The following PCAT7 variants were observed in gnomAD, a reference collection of about 807,000 sequenced individuals.
The protein encoded by PCAT7 is prostate cancer associated transcript 7, also known as prostate cancer associated transcript 7 (non-protein coding).
At chr9:94,556,939 T>C (rs978381663) in intron 1 of PCAT7, among the ~76,000 whole-genome samples, 1 of 152,214 alleles carries the variant, frequency 6.6e-6, no homozygotes, top group Non-Finnish European at 1.5e-5. Context: ...GAAGAGATTG[T>C]CCTTCCCGAA....
At chr9:94,555,234 TTGA>T (rs1564176405) in exon 1 of PCAT7, 1 of 152,078 alleles carries the variant, frequency 6.6e-6, no homozygotes, top group Non-Finnish European at 1.5e-5. Flanking sequence ...TGCTGGAGGC[TTGA>T]GCCGCGGCAC....
chr9:94,559,741 G>A (rs1827066318), intron 2 of PCAT7, among the ~76,000 whole-genome samples: 1 of 151,992 alleles, frequency 6.6e-6, no homozygotes, highest in Admixed American at 6.6e-5. Flanking sequence ...TTCCCCTCTG[G>A]TACCACTCAT....
upstream of PCAT7, among the ~76,000 whole-genome samples, chr9:94,554,868 C>T (rs866277683): frequency 1.3e-5 from 2 of 152,198 alleles, no homozygotes; most frequent in African/African-American, 4.8e-5. Flanking sequence ...GCTCCCCACA[C>T]CCACACATAA....
upstream of PCAT7, among the ~76,000 whole-genome samples, chr9:94,554,618 C>G (rs1000058025): frequency 6.6e-6 from 1 of 152,150 alleles, no homozygotes; most frequent in Non-Finnish European, 1.5e-5. Context: ...CACCACCAAC[C>G]GCAGCGAGGC....
intron 2 of PCAT7, chr9:94,567,296 A>T: frequency 6.2e-7 from 1 of 1,614,126 alleles, no homozygotes; most frequent in Non-Finnish European, 8.5e-7. Context: ...TTCTGCACAT[A>T]TTCAGTGGTG....
chr9:94,566,205 C>T (rs993616991), intron 2 of PCAT7, among the ~76,000 whole-genome samples: 1 of 152,228 alleles, frequency 6.6e-6, no homozygotes. Flanking sequence ...ACAGGCCCCC[C>T]AAAACCTGGC....
intron 2 of PCAT7, chr9:94,559,273 G>T: frequency 2.9e-6 from 2 of 698,952 alleles, no homozygotes; most frequent in Non-Finnish European, 4.7e-6. Context: ...TGCAAGAGTG[G>T]GCCCGAGCTT....
chr9:94,558,168 CAA>C (rs1309523609), intron 1 of PCAT7, among the ~76,000 whole-genome samples: 2 of 152,156 alleles, frequency 1.3e-5, no homozygotes, highest in African/African-American at 4.8e-5. Context: ...ATTTCTAACT[CAA>C]GTTTATCCAA....
At chr9:94,570,109 TCTGGTGCCCACCTATGTCCAGA>T (rs1004744219) in intron 2 of PCAT7, 1 of 152,234 alleles carries the variant, frequency 6.6e-6, no homozygotes, top group African/African-American at 2.4e-5. Flanking sequence ...GTTGACAAGC[TCTGGTGCCCACCTATGTCCAGA>T]CTGGGCCCTG....
At chr9:94,569,598 A>G (rs1413127316) in intron 2 of PCAT7, 1 of 152,204 alleles carries the variant, frequency 6.6e-6, no homozygotes, top group Admixed American at 6.5e-5. Context: ...TAACCTGGAA[A>G]ATGTGTTCCT....
intron 2 of PCAT7, chr9:94,571,513 G>A (rs552321762): frequency 6.2e-7 from 1 of 1,613,992 alleles, no homozygotes. Flanking sequence ...GAGCCACCAG[G>A]GTTGCACTAC....
chr9:94,570,089 C>T (rs946296330), intron 2 of PCAT7: 3 of 152,190 alleles, frequency 2.0e-5, no homozygotes, highest in Admixed American at 6.5e-5. Flanking sequence ...TCATCTCTTC[C>T]TTCTGTCATG....
At chr9:94,560,370 C>CTTTT (rs1468020352) in intron 2 of PCAT7, among the ~76,000 whole-genome samples, 5 of 152,148 alleles carry the variant, frequency 3.3e-5, no homozygotes, top group Non-Finnish European at 5.9e-5. Context: ...ATTGAATGGA[C>CTTTT]TTTTTAGGTC....
At chr9:94,568,055 G>A (rs1045733868) in intron 2 of PCAT7, 1 of 151,138 alleles carries the variant, frequency 6.6e-6, no homozygotes, top group African/African-American at 2.4e-5. Flanking sequence ...GTGAACCCGG[G>A]AGGCAGAGCT....
intron 2 of PCAT7, among the ~76,000 whole-genome samples, chr9:94,559,874 T>A (rs910930993): frequency 1.3e-5 from 2 of 152,104 alleles, no homozygotes; most frequent in Admixed American, 1.3e-4. Flanking sequence ...CGGCCTGTAA[T>A]CCCAGGATTT....
chr9:94,559,765 C>T (rs1460453839), intron 2 of PCAT7, among the ~76,000 whole-genome samples: 4 of 152,320 alleles, frequency 2.6e-5, no homozygotes, highest in African/African-American at 9.6e-5. Context: ...ACTGAGGCCT[C>T]TTTAATGCCT....
At chr9:94,556,597 C>T (rs923743437) in intron 1 of PCAT7, among the ~76,000 whole-genome samples, 1 of 152,206 alleles carries the variant, frequency 6.6e-6, no homozygotes, top group African/African-American at 2.4e-5. Context: ...GTATTAACCT[C>T]TTGCCTGATG....
chr9:94,559,103 C>T lies in PCAT7; in HGVS notation n.392C>T, dbSNP rs1299624593. 1.9e-6 allele frequency: 3 copies of T among 1,613,404 alleles called. No individual in the cohort carries two copies. In the African/African-American group the frequency reaches 4.0e-5, roughly 22 times the overall value. ...CTCCTGCCTGCTCAATGATGTAGGCCACGGGATTGCATTCATACAGGAGCC... is the reference window on the plus strand; with the variant it reads ...CTCCTGCCTGCTCAATGATGTAGGCTACGGGATTGCATTCATACAGGAGCC... On this transcript the variant is annotated non_coding_transcript_exon_variant, in exon 2 of 9. Transcript: ENST00000647389.
upstream of PCAT7, chr9:94,555,022 T>C (rs1488059352): frequency 6.6e-6 from 1 of 152,276 alleles, no homozygotes; most frequent in African/African-American, 2.4e-5. Flanking sequence ...ATTGGTTGTC[T>C]TAAGACTTGC....
Sources: allele counts gnomAD v4.1 joint callset (sites outside exome capture counted in the v4.1 genomes callset), GRCh38; gene constraint gnomAD v4.1.1; transcripts MANE v1.5; gene names NCBI Gene and HGNC (gene_info 2026-07-23, HGNC 2026-07-21).